FKRP: variants seen among roughly 807,000 people sequenced by gnomAD.
FKRP encodes fukutin related protein.
FKRP carries 25 observed loss-of-function variants against 30.6 expected under a neutral mutation model. The observed-to-expected ratio is 0.82, with a 90% CI of 0.60 to 1.14. FKRP has a LOEUF of 1.14. FKRP is among the 50% of genes most tolerant of loss of function. The probability of loss-of-function intolerance (pLI) is 0.00; values close to 1 mark genes in which losing one functional copy is unlikely to be tolerated. For synonymous variants in FKRP, 358 were observed against 342.5 expected (o/e 1.05, Z -0.50); for missense variants, 771 against 727.8 (o/e 1.06, Z -0.68).
chr19:46,747,357 C>T (rs893692319), intron 1 of FKRP: 1 of 151,742 alleles, frequency 6.6e-6, no homozygotes, highest in Non-Finnish European at 1.5e-5. Context: ...CTTCGAGTGA[C>T]CCTAGGAACC....
chr19:46,749,399 C>T (rs1336484573), intron 3 of FKRP, among the ~76,000 whole-genome samples: 3 of 140,118 alleles, frequency 2.1e-5, no homozygotes, highest in African/African-American at 8.0e-5. Flanking sequence ...CTCTCTGTGC[C>T]TTTGTTTCCT....
In FKRP at chr19:46,755,461, C is replaced by G. The variant is rs771333733; in HGVS notation, c.11C>G (p.Thr4Ser). 115 of 1,606,848 alleles carry G rather than the reference C, an allele frequency of 7.2e-5. No homozygotes were observed. The highest frequency in any genetic ancestry group is 6.6e-4 in the Middle Eastern group (4 of 6,072). ...CCAGACTTCGGCCCCATGCGGCTCACCCGCTGCCAGGCTGCCCTGGCGGCC... is the reference window on the plus strand; with the variant it reads ...CCAGACTTCGGCCCCATGCGGCTCAGCCGCTGCCAGGCTGCCCTGGCGGCC... MRL[T>S]RCQAALAAAI... The change falls in exon 4 of 4, where the codon ACC becomes AGC. Residue 4 changes from threonine (T) to serine (S), a missense_variant. Physicochemically the swap from Thr to Ser is moderately conservative, Grantham distance 58 (BLOSUM62 1). Coordinates refer to ENST00000318584, the MANE Select transcript of FKRP (RefSeq NM_024301.5).
chr19:46,745,417 G>A (rs2054563937), upstream of FKRP, among the ~76,000 whole-genome samples: 1 of 152,112 alleles, frequency 6.6e-6, no homozygotes, highest in Non-Finnish European at 1.5e-5. Flanking sequence ...CTCCTCAGAG[G>A]GGAAGGCACA....
rs139006833 is a variant in FKRP, at chr19:46,752,065, T to A, written c.-39-3347T>A. Among the ~76,000 whole-genome samples the A allele has an allele frequency of 2.0e-3, 297 of 152,208 alleles. 1 individual carries two copies. Among genetic ancestry groups the A allele is most frequent in the African/African-American group, 6.6e-3 (273 of 41,528 alleles). ...TTTGAAAGATGGTGTTGGTGGCCAATGTTCCTAGAGCTGAGTGAGTGAGTA... is the reference window on the plus strand; with the variant it reads ...TTTGAAAGATGGTGTTGGTGGCCAAAGTTCCTAGAGCTGAGTGAGTGAGTA... On this transcript the variant is annotated intron_variant, in intron 3 of 3. Coordinates refer to ENST00000318584, the MANE Select transcript of FKRP (RefSeq NM_024301.5).
At chr19:46,749,378 T>C (rs2054738871) in intron 3 of FKRP, among the ~76,000 whole-genome samples, 1 of 151,426 alleles carries the variant, frequency 6.6e-6, no homozygotes, top group African/African-American at 2.4e-5. Flanking sequence ...TAAGAGACTT[T>C]AACTCTTTAA....
chr19:46,746,540 G>T, intron 1 of FKRP: 2 of 587,658 alleles, frequency 3.4e-6, no homozygotes, highest in Non-Finnish European at 4.3e-6. Context: ...GCCCGGCGGG[G>T]GACAGTAGGA....
intron 3 of FKRP, among the ~76,000 whole-genome samples, chr19:46,751,383 AT>A (rs2122558654): frequency 6.8e-6 from 1 of 147,446 alleles, no homozygotes; most frequent in South Asian, 2.2e-4. Context: ...TTTTTTGTTT[AT>A]TTACTTATTT....
chr19:46,746,269 G>A (rs1179751288), intron 1 of FKRP, 179 bp downstream of exon 1: 3 of 1,472,688 alleles, frequency 2.0e-6, no homozygotes, highest in East Asian at 3.0e-5. Context: ...CCGTGGGCCC[G>A]GGGCTGCCTC....
rs1173430388 is a variant in FKRP at position 46,756,462 on chromosome 19, G to T, written c.1012G>T (p.Val338Leu). 1.3e-6 allele frequency: 2 copies of T among 1,584,568 alleles called. No homozygotes were observed. Among genetic ancestry groups the T allele is most frequent in the Non-Finnish European group, 1.7e-6 (2 of 1,165,810 alleles). Residue 338 changes from valine to leucine, a missense_variant, in exon 4 of 4, where the codon GTG becomes TTG. By Grantham distance (32) the Val-to-Leu change is conservative. Transcript: ENST00000318584. The surrounding 1 kb of genome is among the most constrained non-coding windows in gnomAD (Gnocchi z 6.6). ...GGTGGGCGTGCTGGAGGCTGCGGGC[G>T]TGCGCTACTGGCTCGAGGGCGGCTC... ...YVVGVLEAAG[V>L]RYWLEGGSLL...
In FKRP at chr19:46,758,269, C is replaced by T. The variant is rs1438176233; in HGVS notation, c.*1331C>T. ...GGCTCTGGAGCCCACAATTGTCTTACCCACTATGCCCCTCTCTAGTCATGG... is the reference window on the plus strand; with the variant it reads ...GGCTCTGGAGCCCACAATTGTCTTATCCACTATGCCCCTCTCTAGTCATGG... On this transcript the variant is annotated 3_prime_UTR_variant, in exon 4 of 4. Transcript: ENST00000318584. The T allele has an allele frequency of 1.2e-5, 2 of 167,058 alleles. No individual in the cohort carries two copies. The highest frequency in any genetic ancestry group is 2.4e-5 in the African/African-American group (1 of 41,452). 10.3% of individuals were successfully genotyped at this position (167,058 alleles called of 1,614,324 possible). A position where few individuals can be genotyped will look rare whatever the true frequency, so the allele number is the denominator to read the frequency against.
At chr19:46,746,130 G>T in intron 1 of FKRP, 40 bp downstream of exon 1, 1 of 1,492,988 alleles carries the variant, frequency 6.7e-7, no homozygotes, top group Non-Finnish European at 8.9e-7. Context: ...GGGGTCGGGG[G>T]TCCCGGGACA....
chr19:46,753,187 T>G (rs10426153), intron 3 of FKRP, among the ~76,000 whole-genome samples: 10,275 of 148,092 alleles, frequency 0.069, 1,027 homozygotes, highest in African/African-American at 0.22. Context: ...TGTTTTTGGC[T>G]GGGCGCGGTG....
In FKRP at chr19:46,755,967, G is replaced by A. The variant is rs1322879846; in HGVS notation, c.517G>A (p.Val173Ile). The change falls in exon 4 of 4, where the codon GTC becomes ATC. Residue 173 changes from valine to isoleucine, a missense_variant. By Grantham distance (29) the Val-to-Ile change is conservative. Coordinates refer to ENST00000318584, the MANE Select transcript of FKRP (RefSeq NM_024301.5). The part of the protein sequence containing the change: ...ANPARCLALN[V>I]SLREWTARYG... ...CCCTGCCAGGTGCCTGGCCCTGAAC[G>A]TCAGCCTGCGAGAGTGGACCGCCCG... 1.3e-6 allele frequency: 2 copies of A among 1,539,152 alleles called. No homozygotes were observed. Among genetic ancestry groups the A allele is most frequent in the Admixed American group, 2.0e-5 (1 of 51,222 alleles).
chr19:46,755,576 C>T lies in FKRP; in HGVS notation c.126C>T (p.Ala42=). 1 of 1,606,946 alleles carries T rather than the reference C, an allele frequency of 6.2e-7. No homozygotes were observed. ...CCCGGGCCCGGGGGCCCCGTCGTGC[C>T]TCTGCTGCCGGCCCCCGTGTCACCG... is the stretch of plus-strand genomic sequence containing the variant. ...RNSRARGPRR[A]SAAGPRVTVL... Residue 42 remains alanine (A), a synonymous_variant, in exon 4 of 4, where the codon GCC becomes GCT. Transcript: ENST00000318584.
chr19:46,753,733 G>T (rs2054843250), intron 3 of FKRP: 1 of 152,294 alleles, frequency 6.6e-6, no homozygotes, highest in Admixed American at 6.6e-5. Context: ...AGGTTGGATG[G>T]GAATGTGGGT....
Position 46,755,674 on chromosome 19 carries a change from C to A in FKRP, c.224C>A (p.Pro75Gln). ...ELVDSFLQQD[P>Q]AQPVVVAADT... is the part of the protein sequence containing the mutation. Reference sequence around the variant, plus strand: ...GTAGACTCCTTCCTGCAGCAAGACCCAGCCCAGCCCGTGGTGGTGGCAGCC... The same window carrying A: ...GTAGACTCCTTCCTGCAGCAAGACCAAGCCCAGCCCGTGGTGGTGGCAGCC... Residue 75 changes from proline to glutamine, a missense_variant, in exon 4 of 4, where the codon CCA becomes CAA. By Grantham distance (76) the Pro-to-Gln change is moderately conservative. Transcript: ENST00000318584. 1 of 1,593,124 alleles carries A rather than the reference C, an allele frequency of 6.3e-7. No individual in the cohort carries two copies. Among genetic ancestry groups the A allele is most frequent in the Non-Finnish European group, 8.5e-7 (1 of 1,176,182 alleles).
chr19:46,755,977 G>A lies in FKRP; in HGVS notation c.527G>A (p.Arg176Gln), dbSNP rs755316345. The change falls in exon 4 of 4, where the codon CGA becomes CAA. Residue 176 changes from arginine (R) to glutamine (Q), a missense_variant. Physicochemically the swap from Arg to Gln is conservative, Grantham distance 43 (BLOSUM62 1). Coordinates refer to ENST00000318584, the MANE Select transcript of FKRP (RefSeq NM_024301.5). Reference sequence around the variant, plus strand: ...TGCCTGGCCCTGAACGTCAGCCTGCGAGAGTGGACCGCCCGCTATGGCGCA... The same window carrying A: ...TGCCTGGCCCTGAACGTCAGCCTGCAAGAGTGGACCGCCCGCTATGGCGCA... ...ARCLALNVSL[R>Q]EWTARYGAAP... 6 of 1,541,796 alleles carry A rather than the reference G, an allele frequency of 3.9e-6. No homozygotes were observed. The highest frequency in any genetic ancestry group is 5.2e-6 in the Non-Finnish European group (6 of 1,150,780).
At chr19:46,753,010 AC>A (rs2054822870) in intron 3 of FKRP, among the ~76,000 whole-genome samples, 2 of 151,282 alleles carry the variant, frequency 1.3e-5, no homozygotes, top group South Asian at 4.2e-4. Flanking sequence ...TACTAAAAAT[AC>A]AAAAATTAGC....
Position 46,756,448 on chromosome 19 carries a change from T to C in FKRP, c.998T>C (p.Leu333Pro), listed in dbSNP as rs2122629106. ...RETARYVVGV[L>P]EAAGVRYWLE... ...ACCGCCCGCTATGTGGTGGGCGTGC[T>C]GGAGGCTGCGGGCGTGCGCTACTGG... The change falls in exon 4 of 4, where the codon CTG becomes CCG. Residue 333 changes from leucine to proline, a missense_variant. Transcript: ENST00000318584. The surrounding 1 kb of genome is among the most constrained non-coding windows in gnomAD (Gnocchi z 6.6). The C allele has an allele frequency of 6.3e-7, 1 of 1,585,312 alleles. No homozygotes were observed. Among genetic ancestry groups the C allele is most frequent in the Non-Finnish European group, 8.6e-7 (1 of 1,166,184 alleles).
Sources: allele counts gnomAD v4.1 joint callset (sites outside exome capture counted in the v4.1 genomes callset), GRCh38; gene constraint gnomAD v4.1.1; non-coding constraint Gnocchi (gnomAD v3.1); transcripts MANE v1.5; gene names NCBI Gene and HGNC (gene_info 2026-07-23, HGNC 2026-07-21).